Variants in PTPRD observed in about 807,000 individuals in gnomAD.
The protein encoded by PTPRD is receptor-type tyrosine-protein phosphatase delta.
In PTPRD, 34 loss-of-function variants were observed where a neutral mutation model predicts 214.5. The observed-to-expected ratio is 0.16, with a 90% CI of 0.12 to 0.21. PTPRD has a LOEUF of 0.21. Ranked by LOEUF, PTPRD falls within the 10% of genes least tolerant of loss-of-function variation. The probability of loss-of-function intolerance (pLI) is 1.00; values close to 1 mark genes in which losing one functional copy is unlikely to be tolerated. For missense variants in PTPRD, 2,545 were observed against 2,398.7 expected, an observed-to-expected ratio of 1.06 and a Z score of -1.27; for synonymous variants, 1,128 against 845.7, an observed-to-expected ratio of 1.33 and a Z score of -5.79.
intron 11 of PTPRD, among the ~76,000 whole-genome samples, chr9:8,756,906 C>T (rs1393056034): frequency 6.6e-6 from 1 of 151,970 alleles, no homozygotes; most frequent in Non-Finnish European, 1.5e-5. Flanking sequence ...CTTGGGAGGC[C>T]GAGGTGGGCA....
At chr9:9,768,247 C>T (rs1254534517) in intron 5 of PTPRD, among the ~76,000 whole-genome samples, 1 of 152,120 alleles carries the variant, frequency 6.6e-6, no homozygotes, top group Non-Finnish European at 1.5e-5. Context: ...CTTGAATTTT[C>T]ATGTACAATG....
intron 9 of PTPRD, among the ~76,000 whole-genome samples, chr9:9,220,787 C>T (rs548090225): frequency 2.0e-5 from 3 of 152,078 alleles, no homozygotes; most frequent in South Asian, 2.1e-4. Flanking sequence ...TCAGTTTGTC[C>T]CCACGGCCAT....
Position 9,611,115 on chromosome 9 carries a change from AT to A in PTPRD, c.-286-36335del, listed in dbSNP as rs1355982580. ...TAATGTACAAATACAATACCTTTTA[AT>A]ATGGCTACATGATGTACCATAATTC... is the stretch of plus-strand genomic sequence containing the variant. On this transcript the variant is annotated intron_variant, in intron 7 of 45. Transcript: ENST00000381196. 2.0e-5 allele frequency among the ~76,000 whole-genome samples: 3 copies of A among 152,184 alleles called. No homozygotes were observed. The East Asian group carries it at 5.8e-4, about 29-fold the overall frequency.
chr9:9,098,887 G>T (rs558371413), intron 10 of PTPRD, among the ~76,000 whole-genome samples: 1 of 152,178 alleles, frequency 6.6e-6, no homozygotes, highest in African/African-American at 2.4e-5. Flanking sequence ...GTCTATATTT[G>T]TAAAATTCTG....
chr9:9,093,940 GA>G lies in PTPRD; in HGVS notation c.-142-75206del, dbSNP rs909981875. ...TCTAGCCAGAGTGACCAAGTAGAAA[GA>G]AAAAAAAAGGCACAACATCAAGAAT... On this transcript the variant is annotated intron_variant, in intron 10 of 45. Transcript: ENST00000381196. Among the ~76,000 whole-genome samples the G allele has an allele frequency of 6.4e-3, 952 of 147,940 alleles. 9 individuals are homozygous for G. The highest frequency in any genetic ancestry group is 0.022 in the African/African-American group (884 of 40,428).
intron 2 of PTPRD, among the ~76,000 whole-genome samples, chr9:10,571,474 C>T (rs575706480): frequency 6.6e-6 from 1 of 152,126 alleles, no homozygotes; most frequent in Admixed American, 6.6e-5. Flanking sequence ...AGTAAAGAAA[C>T]TAGCTTTCGG....
chr9:9,680,516 T>C (rs2097045163), intron 7 of PTPRD, among the ~76,000 whole-genome samples: 1 of 151,828 alleles, frequency 6.6e-6, no homozygotes, highest in Non-Finnish European at 1.5e-5. Flanking sequence ...GAAATAGTTT[T>C]ATATTGTCCC....
chr9:9,462,138 T>A (rs1589073568), intron 8 of PTPRD, among the ~76,000 whole-genome samples: 1 of 152,276 alleles, frequency 6.6e-6, no homozygotes, highest in Admixed American at 6.5e-5. Context: ...AATAAATATC[T>A]GTTGAATTAA....
intron 7 of PTPRD, among the ~76,000 whole-genome samples, chr9:9,613,512 G>A (rs1052315882): frequency 2.6e-5 from 4 of 152,106 alleles, no homozygotes; most frequent in African/African-American, 9.6e-5. Context: ...TTTACAGAAG[G>A]ATCTCCCAAA....
rs187752994 is a variant in PTPRD at position 8,437,461 on chromosome 9, A to C, written c.3989-772T>G. ...CTGACATTCACATGCAAACACAGAC[A>C]CAAAGAATGACATGCACCACGACTC... On this transcript the variant is annotated intron_variant, in intron 34 of 45. Coordinates refer to ENST00000381196, the MANE Select transcript of PTPRD (RefSeq NM_002839.4). Among the ~76,000 whole-genome samples, 7 of 152,314 alleles carry C rather than the reference A, an allele frequency of 4.6e-5. No homozygotes were observed. The East Asian group carries it at 1.4e-3, about 29-fold the overall frequency.
At chr9:8,938,509 G>C (rs1055887992) in intron 11 of PTPRD, among the ~76,000 whole-genome samples, 1 of 152,084 alleles carries the variant, frequency 6.6e-6, no homozygotes, top group African/African-American at 2.4e-5. Context: ...TGTGTGCCTT[G>C]ATTTCTGGTT....
chr9:9,727,200 A>C (rs145767691), intron 7 of PTPRD, among the ~76,000 whole-genome samples: 1 of 152,260 alleles, frequency 6.6e-6, no homozygotes, highest in East Asian at 1.9e-4. Context: ...TCACACCTAT[A>C]ATTCTGGCAT....
At chr9:8,962,551 A>AGAGAGC (rs2099164480) in intron 11 of PTPRD, among the ~76,000 whole-genome samples, 1 of 151,698 alleles carries the variant, frequency 6.6e-6, no homozygotes, top group African/African-American at 2.4e-5. Flanking sequence ...AGAGAGAGAG[A>AGAGAGC]GAGAGCGAGA....
At chr9:9,937,659 T>C (rs1345892708) in intron 5 of PTPRD, among the ~76,000 whole-genome samples, 1 of 152,210 alleles carries the variant, frequency 6.6e-6, no homozygotes, top group East Asian at 1.9e-4. Context: ...GTTTCTTGTA[T>C]CTATTTTATA....
chr9:10,072,660 T>C (rs1185291056), intron 3 of PTPRD, among the ~76,000 whole-genome samples: 1 of 152,098 alleles, frequency 6.6e-6, no homozygotes. Context: ...TTTAGGATCG[T>C]GCTTATTGTT....
intron 11 of PTPRD, among the ~76,000 whole-genome samples, chr9:8,793,640 T>G (rs567090672): frequency 3.9e-5 from 6 of 152,218 alleles, no homozygotes; most frequent in Non-Finnish European, 8.8e-5. Context: ...ACACCTGCAT[T>G]CAGAACACTT....
intron 9 of PTPRD, among the ~76,000 whole-genome samples, chr9:9,276,799 C>T (rs1419258140): frequency 6.6e-6 from 1 of 151,344 alleles, no homozygotes; most frequent in East Asian, 2.0e-4. Context: ...TTTTAAGTTC[C>T]TAATTCTATA....
chr9:10,090,899 T>C (rs2098420789), intron 3 of PTPRD, among the ~76,000 whole-genome samples: 1 of 131,332 alleles, frequency 7.6e-6, no homozygotes, highest in African/African-American at 2.9e-5. Context: ...CAAAGGACAT[T>C]TGTGTATATA....
rs377519981 is a variant in PTPRD at position 10,349,742 on chromosome 9, T to C, written c.-599-8725A>G. On this transcript the variant is annotated intron_variant, in intron 2 of 45. Transcript: ENST00000381196. The stretch of plus-strand genomic sequence containing the variant: ...ATTTTAAAAATCACCTTTGGTAGGC[T>C]GAATAATTGCATCACAAAGAAGTCC... Among the ~76,000 whole-genome samples the C allele has an allele frequency of 9.9e-4, 151 of 152,366 alleles. 2 individuals are homozygous for C. The South Asian group carries it at 0.027, about 27-fold the overall frequency.
Sources: gnomAD v4.1 joint callset for allele counts (sites outside exome capture counted in the v4.1 genomes callset) on GRCh38, gnomAD v4.1.1 for gene constraint, MANE v1.5 for transcripts, NCBI Gene and HGNC (gene_info 2026-07-23, HGNC 2026-07-21) for gene names.